Variants in ESR1 observed in about 807,000 individuals in gnomAD.
ESR1 encodes the protein estrogen receptor 1, also known as estrogen receptor.
ESR1 carries 12 observed loss-of-function variants against 52.7 expected under a neutral mutation model. The ratio of observed to expected loss-of-function variants is 0.23; its 90% confidence interval spans 0.15 to 0.37. The LOEUF is 0.37. Among genes scored for constraint, ESR1 ranks in the 10% least tolerant of loss-of-function variants. The probability of loss-of-function intolerance (pLI) is 1.00; values close to 1 mark genes in which losing one functional copy is unlikely to be tolerated. For synonymous variants in ESR1, 305 were observed against 316.8 expected (o/e 0.96, Z 0.39); for missense variants, 584 against 779.7 (o/e 0.75, Z 2.99).
intron 6 of ESR1, among the ~76,000 whole-genome samples, chr6:152,114,723 C>T (rs918325559): frequency 6.6e-5 from 10 of 151,230 alleles, no homozygotes; most frequent in African/African-American, 2.2e-4. Context: ...AACCCCGTCT[C>T]TACTAAAAAT....
chr6:151,717,319 G>T (rs181626160), intron 2 of ESR1, among the ~76,000 whole-genome samples: 8 of 152,242 alleles, frequency 5.3e-5, no homozygotes, highest in African/African-American at 1.7e-4. Context: ...TTGCCCCTTG[G>T]TCTGGTTTTC....
chr6:151,951,071 A>T (rs1584424496), intron 4 of ESR1, among the ~76,000 whole-genome samples: 2 of 152,134 alleles, frequency 1.3e-5, no homozygotes, highest in South Asian at 4.1e-4. Flanking sequence ...TTTACACATC[A>T]GAAGTTAATT....
chr6:152,087,551 A>G (rs934113310), intron 6 of ESR1, among the ~76,000 whole-genome samples: 3 of 152,164 alleles, frequency 2.0e-5, no homozygotes, highest in Admixed American at 6.5e-5. Context: ...TTATGTGGTC[A>G]CTCAGGGACT....
chr6:151,866,786 A>T (rs1179950105), intron 2 of ESR1, among the ~76,000 whole-genome samples: 1 of 152,232 alleles, frequency 6.6e-6, no homozygotes, highest in Non-Finnish European at 1.5e-5. Context: ...TGCAGTAAAC[A>T]TACGTGTGCG....
chr6:152,022,758 G>C (rs1025802227), intron 5 of ESR1, among the ~76,000 whole-genome samples: 1 of 152,068 alleles, frequency 6.6e-6, no homozygotes, highest in Non-Finnish European at 1.5e-5. Context: ...GATCACCTGA[G>C]GTTGGGAGTT....
chr6:151,759,360 A>G (rs1458769937), intron 2 of ESR1, among the ~76,000 whole-genome samples: 3 of 151,878 alleles, frequency 2.0e-5, no homozygotes, highest in East Asian at 3.9e-4. Flanking sequence ...CTGCTGATCT[A>G]TTAAAATTAT....
chr6:151,755,229 C>A (rs369695372), intron 2 of ESR1, among the ~76,000 whole-genome samples: 10 of 147,940 alleles, frequency 6.8e-5, no homozygotes, highest in East Asian at 1.9e-4. Context: ...AAACAAAAAC[C>A]AAAACCAAAA....
At chr6:151,972,900 C>T (rs768984336) in intron 4 of ESR1, among the ~76,000 whole-genome samples, 1 of 152,158 alleles carries the variant, frequency 6.6e-6, no homozygotes, top group Non-Finnish European at 1.5e-5. Context: ...TGAAGAACTT[C>T]ACGTCAGAAA....
chr6:152,001,591 G>A (rs1176774069), intron 4 of ESR1, among the ~76,000 whole-genome samples: 1 of 152,022 alleles, frequency 6.6e-6, no homozygotes, highest in Non-Finnish European at 1.5e-5. Context: ...TATTTTTAGA[G>A]TGGCTATTTA....
chr6:151,710,678 C>A (rs929218880), intron 2 of ESR1, among the ~76,000 whole-genome samples: 17 of 152,194 alleles, frequency 1.1e-4, no homozygotes, highest in South Asian at 4.1e-4. Context: ...ACCCATCAAC[C>A]CGTCATCTAC....
chr6:151,858,477 A>G (rs1788279352), intron 2 of ESR1, among the ~76,000 whole-genome samples: 1 of 152,092 alleles, frequency 6.6e-6, no homozygotes, highest in Non-Finnish European at 1.5e-5. Context: ...TGCTACACAC[A>G]TAGACTAGAT....
intron 2 of ESR1, among the ~76,000 whole-genome samples, chr6:151,760,627 C>T (rs542925310): frequency 6.6e-6 from 1 of 152,298 alleles, no homozygotes; most frequent in South Asian, 2.1e-4. Flanking sequence ...CGCTCCCCAG[C>T]CTGCTCCCTT....
At chr6:151,792,670 C>T (rs1038046121) in intron 2 of ESR1, among the ~76,000 whole-genome samples, 2 of 152,112 alleles carry the variant, frequency 1.3e-5, no homozygotes, top group Admixed American at 6.5e-5. Context: ...GAACTCCTGA[C>T]TCAAGCAATC....
At chr6:151,662,928 G>A (rs1295856653) in intron 1 of ESR1, among the ~76,000 whole-genome samples, 1 of 152,222 alleles carries the variant, frequency 6.6e-6, no homozygotes, top group Non-Finnish European at 1.5e-5. Context: ...TTTATTCTGT[G>A]TAGTGGAAAG....
At chr6:151,701,529 CAAAAAAAA>C (rs57589542) in intron 1 of ESR1, among the ~76,000 whole-genome samples, 54 of 89,398 alleles carry the variant, frequency 6.0e-4, no homozygotes, top group African/African-American at 9.9e-4. Flanking sequence ...CACTACATCT[CAAAAAAAA>C]AAAAAAAAAA....
chr6:152,112,595 A>T (rs745351960), intron 6 of ESR1, among the ~76,000 whole-genome samples: 5 of 152,168 alleles, frequency 3.3e-5, no homozygotes, highest in Non-Finnish European at 5.9e-5. Flanking sequence ...CTATGTCACC[A>T]TCCTGGTGCC....
intron 3 of ESR1, among the ~76,000 whole-genome samples, chr6:151,927,435 T>G (rs2032925576): frequency 6.6e-6 from 1 of 152,190 alleles, no homozygotes; most frequent in African/African-American, 2.4e-5. Context: ...TCTTGAAGAT[T>G]TGTTAGAAGT....
rs1299249680 is a variant in ESR1, at chr6:151,995,946, C to T, written c.1097-15710C>T. The stretch of plus-strand genomic sequence containing the variant: ...GCTGAGGCCTGGAGAAGTTACATAG[C>T]TTTCTCATGGTGTCTCCACTATGAA... On this transcript the variant is annotated intron_variant, in intron 4 of 7. Transcript: ENST00000206249. Among the ~76,000 whole-genome samples, 4 of 152,174 alleles carry T rather than the reference C, an allele frequency of 2.6e-5. No homozygotes were observed. In the East Asian group the frequency reaches 7.7e-4, roughly 29 times the overall value.
chr6:151,687,780 G>A (rs1266435265), upstream of ESR1, among the ~76,000 whole-genome samples: 1 of 152,132 alleles, frequency 6.6e-6, no homozygotes, highest in Non-Finnish European at 1.5e-5. Context: ...AATAAACAAT[G>A]TGACACTACC....
Sources: gnomAD v4.1 joint callset for allele counts (sites outside exome capture counted in the v4.1 genomes callset) on GRCh38, gnomAD v4.1.1 for gene constraint, MANE v1.5 for transcripts, NCBI Gene and HGNC (gene_info 2026-07-23, HGNC 2026-07-21) for gene names.